The following SLCO3A1 variants were observed in gnomAD, a reference collection of about 807,000 sequenced individuals.
SLCO3A1 encodes solute carrier organic anion transporter family member 3A1.
SLCO3A1 carries 27 observed loss-of-function variants against 63.1 expected under a neutral mutation model. That is an observed-to-expected ratio of 0.43 (90% CI 0.32 to 0.59). The LOEUF (loss-of-function observed/expected upper bound fraction) is 0.59, where lower values mean the gene tolerates loss of function less well. Among genes scored for constraint, SLCO3A1 ranks in the 20% least tolerant of loss-of-function variants. The pLI is 0.09. For missense variants in SLCO3A1, 773 were observed against 945.8 expected (o/e 0.82, Z 2.40); for synonymous variants, 473 against 409.9 (o/e 1.15, Z -1.86).
rs1182136200 is a variant in SLCO3A1, at chr15:92,104,705, T to C, written c.1009+163T>C. On this transcript the variant is annotated intron_variant, in intron 4 of 9. Transcript: ENST00000318445. ...CTCTACCAGCCAGGTGCTTAACTTA[T>C]TCCTGAGAAGTAAATAACCTGACTT... 3.3e-5 allele frequency among the ~76,000 whole-genome samples: 5 copies of C among 152,202 alleles called. No homozygotes were observed. The East Asian group carries it at 5.8e-4, about 18-fold the overall frequency.
intron 2 of SLCO3A1, among the ~76,000 whole-genome samples, chr15:92,018,816 G>C (rs1954244015): frequency 6.6e-6 from 1 of 152,174 alleles, no homozygotes; most frequent in African/African-American, 2.4e-5. Flanking sequence ...CTCCCAGTCT[G>C]TGAATCTAAG....
chr15:91,931,788 A>AACATACAC, intron 2 of SLCO3A1, among the ~76,000 whole-genome samples: 1 of 144,216 alleles, frequency 6.9e-6, no homozygotes, highest in African/African-American at 2.5e-5. Flanking sequence ...TAAGTGTGGA[A>AACATACAC]ACACACACAC....
At chr15:91,925,947 T>TG (rs1898997224) in intron 2 of SLCO3A1, among the ~76,000 whole-genome samples, 1 of 152,182 alleles carries the variant, frequency 6.6e-6, no homozygotes, top group South Asian at 2.1e-4. Context: ...TCATCAGGCT[T>TG]GAGTGCCTGT....
At chr15:92,058,594 G>GTGT (rs746324802) in intron 2 of SLCO3A1, among the ~76,000 whole-genome samples, 2 of 152,294 alleles carry the variant, frequency 1.3e-5, no homozygotes. Context: ...GGGACACCTA[G>GTGT]TGTTCTCTGG....
At position 91,944,489 on chromosome 15, in the gene SLCO3A1, G is replaced by C. The variant is rs1899733757; in HGVS notation, c.646+28031G>C. ...GTAAGCAGCTGCAGCGTGGGGCTCA[G>C]AGTGGCTTTGGCTTCTGTGCTTACT... On this transcript the variant is annotated intron_variant, in intron 2 of 9. Transcript: ENST00000318445. 7.2e-5 allele frequency among the ~76,000 whole-genome samples: 11 copies of C among 152,252 alleles called. No homozygotes were observed. The South Asian group carries it at 2.3e-3, about 32-fold the overall frequency.
intron 9 of SLCO3A1, chr15:92,162,047 A>T (rs2048445325): frequency 6.6e-6 from 1 of 151,626 alleles, no homozygotes; most frequent in Admixed American, 6.6e-5. Flanking sequence ...TGGCCTTCTC[A>T]GGCTCTCAGC....
chr15:92,112,529 G>C (rs2047741043), intron 4 of SLCO3A1, among the ~76,000 whole-genome samples: 1 of 152,188 alleles, frequency 6.6e-6, no homozygotes, highest in Non-Finnish European at 1.5e-5. Context: ...CAAGCATCTG[G>C]ATGTTTTCGA....
At chr15:91,896,636 C>T (rs557171587) in intron 1 of SLCO3A1, among the ~76,000 whole-genome samples, 1 of 152,312 alleles carries the variant, frequency 6.6e-6, no homozygotes, top group East Asian at 1.9e-4. Context: ...GTAAGACATG[C>T]CTTTGCTTCT....
At chr15:91,917,791 C>G (rs969951663) in intron 2 of SLCO3A1, among the ~76,000 whole-genome samples, 1 of 152,184 alleles carries the variant, frequency 6.6e-6, no homozygotes, top group Non-Finnish European at 1.5e-5. Flanking sequence ...AGCCGCTCCA[C>G]GTGAGTTTTT....
At chr15:91,944,827 C>G (rs1567197746) in intron 2 of SLCO3A1, among the ~76,000 whole-genome samples, 1 of 152,182 alleles carries the variant, frequency 6.6e-6, no homozygotes, top group Non-Finnish European at 1.5e-5. Flanking sequence ...CCCTCTCTCT[C>G]TCTTTCTCTC....
chr15:91,880,409 CTG>C (rs58932263), intron 1 of SLCO3A1, among the ~76,000 whole-genome samples: 1 of 142,362 alleles, frequency 7.0e-6, no homozygotes, highest in Non-Finnish European at 1.5e-5. Flanking sequence ...CTCTCTCTCT[CTG>C]TGTGTGTGTG....
chr15:92,102,368 A>T (rs144168830), intron 3 of SLCO3A1, among the ~76,000 whole-genome samples: 2 of 152,144 alleles, frequency 1.3e-5, no homozygotes, highest in African/African-American at 4.8e-5. Context: ...TCTCATTTAT[A>T]TACATATATG....
Position 91,947,595 on chromosome 15 carries a change from C to T in SLCO3A1, c.646+31137C>T, listed in dbSNP as rs563924624. 6.6e-5 allele frequency among the ~76,000 whole-genome samples: 10 copies of T among 152,304 alleles called. No individual in the cohort carries two copies. In the South Asian group the frequency reaches 2.1e-3, roughly 32 times the overall value. On this transcript the variant is annotated intron_variant, in intron 2 of 9. Coordinates refer to ENST00000318445, the MANE Select transcript of SLCO3A1 (RefSeq NM_013272.4). ...GCAGGAAGTAGACTATAGATAGGGC[C>T]GACAGATCGTTGCCTTCGGCCTTTG...
rs141273844 is a variant in SLCO3A1, at chr15:91,920,699, G to A, written c.646+4241G>A. 1.1e-3 allele frequency among the ~76,000 whole-genome samples: 162 copies of A among 152,266 alleles called. 1 individual carries two copies. The highest frequency in any genetic ancestry group is 3.8e-3 in the African/African-American group (159 of 41,542). ...GTTTTTTGAACCGCAGTAACCACTA[G>A]GAGGTTTTTTTAAGTGTTGTGTTAG... On this transcript the variant is annotated intron_variant, in intron 2 of 9. Coordinates refer to ENST00000318445, the MANE Select transcript of SLCO3A1 (RefSeq NM_013272.4).
intron 2 of SLCO3A1, among the ~76,000 whole-genome samples, chr15:91,983,863 A>G (rs1403206550): frequency 6.6e-6 from 1 of 152,228 alleles, no homozygotes; most frequent in Non-Finnish European, 1.5e-5. Flanking sequence ...CCCATGTCAC[A>G]TTCCTGGACC....
intron 8 of SLCO3A1, chr15:92,149,642 A>C (rs2048277926): frequency 6.6e-6 from 1 of 152,240 alleles, no homozygotes; most frequent in South Asian, 2.1e-4. Flanking sequence ...AGAGCTTTCA[A>C]TAGTGTTCAC....
At chr15:92,053,476 GTA>G (rs2046982540) in intron 2 of SLCO3A1, among the ~76,000 whole-genome samples, 2 of 152,080 alleles carry the variant, frequency 1.3e-5, no homozygotes, top group Admixed American at 1.3e-4. Context: ...TCAGATGCGT[GTA>G]GTTTTTCGCT....
At chr15:92,110,468 C>T (rs1832771563) in intron 4 of SLCO3A1, among the ~76,000 whole-genome samples, 1 of 152,118 alleles carries the variant, frequency 6.6e-6, no homozygotes, top group South Asian at 2.1e-4. Flanking sequence ...CAGTCATGCC[C>T]TGTTCCCTCC....
At chr15:92,111,898 A>G (rs1030014976) in intron 4 of SLCO3A1, among the ~76,000 whole-genome samples, 7 of 152,240 alleles carry the variant, frequency 4.6e-5, no homozygotes, top group African/African-American at 7.2e-5. Context: ...TACATGGCCA[A>G]ATAACTTTGG....
Sources: gnomAD v4.1 joint callset for allele counts (sites outside exome capture counted in the v4.1 genomes callset) on GRCh38, gnomAD v4.1.1 for gene constraint, MANE v1.5 for transcripts, NCBI Gene and HGNC (gene_info 2026-07-23, HGNC 2026-07-21) for gene names.